Variants in FSTL5 observed in about 807,000 individuals in gnomAD.
The protein encoded by FSTL5 is follistatin like 5.
A neutral mutation model predicts 89.1 loss-of-function variants in FSTL5; 62 were observed. That is an observed-to-expected ratio of 0.70 (90% CI 0.57 to 0.86). The LOEUF (loss-of-function observed/expected upper bound fraction) is 0.86, where lower values mean the gene tolerates loss of function less well. FSTL5 is among the 40% of genes least tolerant of loss of function. The pLI, the probability that FSTL5 is intolerant of heterozygous loss-of-function variation, is 0.00. For synonymous variants in FSTL5, 383 were observed against 346.2 expected, an observed-to-expected ratio of 1.11 and a Z score of -1.18; for missense variants, 1,057 against 1,001.6, an observed-to-expected ratio of 1.06 and a Z score of -0.75.
chr4:161,996,879 CTCAT>C (rs1360253137), intron 3 of FSTL5, among the ~76,000 whole-genome samples: 14 of 152,184 alleles, frequency 9.2e-5, no homozygotes, highest in African/African-American at 3.4e-4. Context: ...AGCTGCAAAA[CTCAT>C]TCTCTCGGGA....
At chr4:161,425,353 G>A (rs988352854) in intron 15 of FSTL5, among the ~76,000 whole-genome samples, 7 of 152,124 alleles carry the variant, frequency 4.6e-5, no homozygotes, top group African/African-American at 1.4e-4. Flanking sequence ...GCCATATCGA[G>A]GTATGTTAGA....
intron 3 of FSTL5, among the ~76,000 whole-genome samples, chr4:162,025,072 C>G (rs1737229323): frequency 6.6e-6 from 1 of 151,848 alleles, no homozygotes; most frequent in African/African-American, 2.4e-5. Flanking sequence ...GTACTGTCTA[C>G]TGTATTTTTT....
intron 8 of FSTL5, among the ~76,000 whole-genome samples, chr4:161,566,099 ACTATATATAT>A (rs1221226942): frequency 4.1e-5 from 1 of 24,652 alleles, no homozygotes; most frequent in African/African-American, 1.3e-4. Flanking sequence ...TTTTTTTTGG[ACTATATATAT>A]ATATATATAT....
At position 161,481,144 on chromosome 4, in the gene FSTL5, C is replaced by G; in HGVS notation, c.1484G>C (p.Gly495Ala). 2 of 1,611,194 alleles carry G rather than the reference C, an allele frequency of 1.2e-6. No individual in the cohort carries two copies. ...FQDEVCPKAE[G>A]DEVQRCVWAS... ...CCACACACACCTCTGAACTTCATCT[C>G]CCTCAGCTTTGGGACAGACTTCATC... Residue 495 changes from glycine to alanine, a missense_variant, in exon 13 of 16, where the codon GGA (glycine) becomes GCA (alanine). Around this residue, in one of 3 missense-constraint regions of FSTL5, gnomAD observed 980 missense variants for 903.2 expected, o/e 1.08. Transcript: ENST00000306100.
intron 13 of FSTL5, among the ~76,000 whole-genome samples, chr4:161,464,771 G>C (rs1449333381): frequency 6.6e-6 from 1 of 151,930 alleles, no homozygotes; most frequent in African/African-American, 2.4e-5. Context: ...TTATTATTAA[G>C]ATCATGATCA....
chr4:161,894,686 C>A (rs1459103032), intron 4 of FSTL5, among the ~76,000 whole-genome samples: 1 of 152,012 alleles, frequency 6.6e-6, no homozygotes, highest in Non-Finnish European at 1.5e-5. Flanking sequence ...TCCATGTCGA[C>A]CAGGCTGACC....
chr4:161,676,720 G>A (rs575110285), intron 6 of FSTL5, among the ~76,000 whole-genome samples: 11 of 150,020 alleles, frequency 7.3e-5, no homozygotes, highest in South Asian at 4.2e-4. Flanking sequence ...ACAATTATTC[G>A]CTTCACTATT....
At chr4:161,605,605 C>T (rs189033950) in intron 7 of FSTL5, among the ~76,000 whole-genome samples, 230 of 152,162 alleles carry the variant, frequency 1.5e-3, no homozygotes, top group Admixed American at 2.8e-3. Context: ...GGTAAAAAAA[C>T]GAATAACCTC....
intron 4 of FSTL5, among the ~76,000 whole-genome samples, chr4:161,895,874 C>A (rs1733142372): frequency 6.6e-6 from 1 of 152,056 alleles, no homozygotes; most frequent in South Asian, 2.1e-4. Context: ...GATTCCAGAG[C>A]TTACACTTTC....
At chr4:161,912,430 A>ATT (rs1214142596) in intron 4 of FSTL5, among the ~76,000 whole-genome samples, 3 of 152,078 alleles carry the variant, frequency 2.0e-5, no homozygotes, top group Non-Finnish European at 4.4e-5. Context: ...TTCCTGTGCT[A>ATT]TTCTCATGAT....
At chr4:161,848,426 A>G (rs950590734) in intron 4 of FSTL5, among the ~76,000 whole-genome samples, 2 of 152,128 alleles carry the variant, frequency 1.3e-5, no homozygotes, top group Admixed American at 6.6e-5. Flanking sequence ...CTTTTTTGTC[A>G]TGAGAATTAC....
At chr4:161,885,621 A>G (rs7695985) in intron 4 of FSTL5, among the ~76,000 whole-genome samples, 126,570 of 151,788 alleles carry the variant, frequency 0.83, 53,396 homozygotes, top group Non-Finnish European at 0.9. Context: ...AATTTTTTGT[A>G]TTATTTTAGT....
intron 8 of FSTL5, among the ~76,000 whole-genome samples, chr4:161,566,353 A>C (rs989482911): frequency 6.6e-6 from 1 of 151,726 alleles, no homozygotes; most frequent in Non-Finnish European, 1.5e-5. Flanking sequence ...TATCCAATAC[A>C]CAGTTGATGG....
In FSTL5 at chr4:161,542,591, C is replaced by T. The variant is rs1731864147; in HGVS notation, c.1118G>A (p.Gly373Asp). Residue 373 changes from glycine (G) to aspartate (D), a missense_variant, in exon 9 of 16, where the codon GGC (glycine) becomes GAC (aspartate). Gly to Asp is a moderately conservative substitution (Grantham distance 94). Coordinates refer to ENST00000306100, the MANE Select transcript of FSTL5 (RefSeq NM_020116.5). ...AATATCAATTCCATTCTTCAACCAG[C>T]CAAGCTGAGGCTTTGGTATGCCCTC... ...HAEGIPKPQL[G>D]WLKNGIDITP... 6.4e-7 allele frequency: 1 copy of T among 1,568,378 alleles called. No individual in the cohort carries two copies. The highest frequency in any genetic ancestry group is 2.4e-5 in the East Asian group (1 of 42,258).
At chr4:162,077,292 T>A (rs1409148276) in intron 2 of FSTL5, among the ~76,000 whole-genome samples, 1 of 151,748 alleles carries the variant, frequency 6.6e-6, no homozygotes, top group African/African-American at 2.4e-5. Context: ...GATGTTGGCA[T>A]TAATCCATTC....
At chr4:161,450,602 AT>A (rs1169795826) in intron 15 of FSTL5, among the ~76,000 whole-genome samples, 2 of 152,126 alleles carry the variant, frequency 1.3e-5, no homozygotes, top group Admixed American at 6.5e-5. Flanking sequence ...TGTATAACTT[AT>A]TTTTTTGGAT....
intron 3 of FSTL5, among the ~76,000 whole-genome samples, chr4:161,993,521 T>G (rs1399127740): frequency 6.6e-6 from 1 of 152,154 alleles, no homozygotes; most frequent in Non-Finnish European, 1.5e-5. Flanking sequence ...GGATATGTGA[T>G]AATTGTATAT....
intron 4 of FSTL5, among the ~76,000 whole-genome samples, chr4:161,919,276 G>T (rs1733925028): frequency 6.6e-6 from 1 of 152,080 alleles, no homozygotes; most frequent in Non-Finnish European, 1.5e-5. Context: ...TATGTAAGAG[G>T]CACACAGTAC....
chr4:162,115,755 A>AG (rs1169659156), intron 1 of FSTL5, among the ~76,000 whole-genome samples: 1 of 152,210 alleles, frequency 6.6e-6, no homozygotes, highest in Admixed American at 6.5e-5. Flanking sequence ...TCTTCTTCAA[A>AG]AGATAATATG....
Sources: allele counts gnomAD v4.1 joint callset (sites outside exome capture counted in the v4.1 genomes callset), GRCh38; gene constraint gnomAD v4.1.1; regional missense constraint gnomAD v4.1.1; transcripts MANE v1.5; gene names NCBI Gene and HGNC (gene_info 2026-07-23, HGNC 2026-07-21).